The following KRABD1 variants were observed in gnomAD, a reference collection of about 807,000 sequenced individuals.
The protein encoded by KRABD1 is KRAB domain-containing protein 1.
chr3:42,941,056 C>A, the KRABD1 span: 1 of 483,060 alleles, frequency 2.1e-6, no homozygotes, highest in Non-Finnish European at 3.6e-6. Context: ...TACTTTAATT[C>A]TGCATCTTCT....
At chr3:42,938,232 T>G in the KRABD1 span, 2 of 152,250 alleles carry the variant, frequency 1.3e-5, no homozygotes, top group Admixed American at 1.3e-4. Context: ...GTTTTCTTTC[T>G]CATCACCCAC....
chr3:42,942,425 G>C, the KRABD1 span: 19 of 424,638 alleles, frequency 4.5e-5, 1 homozygote, highest in South Asian at 1.6e-3. Context: ...AACAGAACAA[G>C]TAGAAAAATT....
At chr3:42,937,885 C>G in the KRABD1 span, 1 of 152,204 alleles carries the variant, frequency 6.6e-6, no homozygotes, top group Non-Finnish European at 1.5e-5. Context: ...CTAAGACTTA[C>G]AGCAAACTGC....
the KRABD1 span, among the ~76,000 whole-genome samples, chr3:42,939,100 A>G: frequency 1.3e-5 from 2 of 150,966 alleles, no homozygotes; most frequent in African/African-American, 5.0e-5. Context: ...TTTAACTTAC[A>G]CAACACAAGT....
chr3:42,941,615 C>A, the KRABD1 span, among the ~76,000 whole-genome samples: 1 of 152,068 alleles, frequency 6.6e-6, no homozygotes, highest in African/African-American at 2.4e-5. Context: ...TCCAATTTAT[C>A]TTAAGAGAAT....
chr3:42,937,015 T>C, the KRABD1 span: 2 of 152,212 alleles, frequency 1.3e-5, no homozygotes, highest in African/African-American at 4.8e-5. Flanking sequence ...GATTGGCTCA[T>C]AAGAATGTTA....
At chr3:42,940,549 G>T in the KRABD1 span, among the ~76,000 whole-genome samples, 1 of 152,132 alleles carries the variant, frequency 6.6e-6, no homozygotes, top group Admixed American at 6.5e-5. Flanking sequence ...CTGAAATACA[G>T]AGCTTGACTC....
At chr3:42,938,471 A>G in the KRABD1 span, 4 of 163,126 alleles carry the variant, frequency 2.5e-5, no homozygotes, top group African/African-American at 7.2e-5. Flanking sequence ...TCTGTACTAC[A>G]TAACTCATTC....
chr3:42,941,475 T>C, the KRABD1 span: 2 of 1,040,220 alleles, frequency 1.9e-6, no homozygotes, highest in Admixed American at 2.9e-5. Context: ...CTGGTGTCTA[T>C]TGACTTGCGA....
the KRABD1 span, chr3:42,937,341 T>C: frequency 6.6e-6 from 1 of 152,200 alleles, no homozygotes; most frequent in Admixed American, 6.5e-5. Context: ...ATAGGGAGTG[T>C]TTTGTGTTTT....
chr3:42,939,390 A>G, the KRABD1 span, among the ~76,000 whole-genome samples: 2 of 152,196 alleles, frequency 1.3e-5, no homozygotes, highest in Non-Finnish European at 2.9e-5. Flanking sequence ...ACGTTGTTGC[A>G]CACAGCAGTG....
chr3:42,938,155 A>G, the KRABD1 span: 1 of 152,244 alleles, frequency 6.6e-6, no homozygotes, highest in Non-Finnish European at 1.5e-5. Context: ...TCCTTATACT[A>G]TAACATTTGG....
At chr3:42,938,645 T>C in the KRABD1 span, 1 of 369,108 alleles carries the variant, frequency 2.7e-6, no homozygotes, top group Non-Finnish European at 5.0e-6. Context: ...TCAGTCCACT[T>C]TTTCATCACT....
At chr3:42,939,011 T>A in the KRABD1 span, 2 of 1,030,946 alleles carry the variant, frequency 1.9e-6, no homozygotes, top group African/African-American at 3.2e-5. Context: ...CATAAAAATA[T>A]CTATATTACA....
At chr3:42,937,611 A>G in the KRABD1 span, 1 of 152,262 alleles carries the variant, frequency 6.6e-6, no homozygotes, top group Non-Finnish European at 1.5e-5. Context: ...GAAACCATCC[A>G]TGAATTTAGC....
the KRABD1 span, chr3:42,938,592 G>T: frequency 3.6e-6 from 1 of 279,646 alleles, no homozygotes; most frequent in Non-Finnish European, 7.0e-6. Flanking sequence ...TCTGTTTCCT[G>T]TCCTGTGATG....
chr3:42,939,696 C>G, the KRABD1 span, among the ~76,000 whole-genome samples: 84 of 152,256 alleles, frequency 5.5e-4, 2 homozygotes, highest in Non-Finnish European at 4.0e-4. Context: ...TACAGTTGCT[C>G]CACATCCTTA....
At chr3:42,941,537 C>T in the KRABD1 span, among the ~76,000 whole-genome samples, 2 of 152,106 alleles carry the variant, frequency 1.3e-5, no homozygotes, top group Non-Finnish European at 2.9e-5. Context: ...CCCTACCTGC[C>T]TCAGAGGTGA....
the KRABD1 span, among the ~76,000 whole-genome samples, chr3:42,942,384 A>G: frequency 6.6e-6 from 1 of 152,184 alleles, no homozygotes; most frequent in Non-Finnish European, 1.5e-5. Flanking sequence ...AAATTGATAA[A>G]CTTGGTGCAG....
Sources: allele counts gnomAD v4.1 joint callset (sites outside exome capture counted in the v4.1 genomes callset), GRCh38; gene constraint gnomAD v4.1.1; transcripts MANE v1.5; gene names NCBI Gene and HGNC (gene_info 2026-07-23, HGNC 2026-07-21).